The following NPAS3 variants were observed in gnomAD, a reference collection of about 807,000 sequenced individuals.
The protein encoded by NPAS3 is neuronal PAS domain-containing protein 3.
In NPAS3, 14 loss-of-function variants were observed where a neutral mutation model predicts 73.1. The observed-to-expected ratio is 0.19, with a 90% CI of 0.13 to 0.30. The LOEUF is 0.30. NPAS3 is among the 10% of genes least tolerant of loss of function. NPAS3 has a pLI of 1.00. For synonymous variants in NPAS3, 620 were observed against 541.5 expected (o/e 1.14, Z -2.01); for missense variants, 1,096 against 1,250.0 (o/e 0.88, Z 1.86).
At chr14:33,090,885 C>T (rs907762706) in intron 2 of NPAS3, among the ~76,000 whole-genome samples, 4 of 152,188 alleles carry the variant, frequency 2.6e-5, no homozygotes, top group African/African-American at 4.8e-5. Flanking sequence ...ACAACCTGCT[C>T]CTGAATGACT....
chr14:33,421,858 T>C (rs1352959869), intron 4 of NPAS3, among the ~76,000 whole-genome samples: 1 of 151,948 alleles, frequency 6.6e-6, no homozygotes, highest in Non-Finnish European at 1.5e-5. Context: ...AGAAGAAAGA[T>C]GATTAGATTG....
Position 33,686,519 on chromosome 14 carries a change from T to C in NPAS3, c.733+10134T>C, listed in dbSNP as rs1002224314. Among the ~76,000 whole-genome samples, 23 of 152,222 alleles carry C rather than the reference T, an allele frequency of 1.5e-4. 1 individual carries two copies. The highest frequency in any genetic ancestry group is 1.2e-3 in the South Asian group (6 of 4,828). ...TAGGCAATGCAATTGCCATTACTCA[T>C]TGACTACTCACCACGTGTCAGGCAC... On this transcript the variant is annotated intron_variant, in intron 6 of 11. Coordinates refer to ENST00000356141, the Ensembl canonical transcript of NPAS3.
At chr14:33,281,505 G>A (rs1181982638) in intron 3 of NPAS3, among the ~76,000 whole-genome samples, 1 of 152,074 alleles carries the variant, frequency 6.6e-6, no homozygotes, top group Non-Finnish European at 1.5e-5. Context: ...GGTGGTGCAT[G>A]TCTGTAGTCC....
At chr14:33,113,581 G>T (rs985362324) in intron 2 of NPAS3, among the ~76,000 whole-genome samples, 4 of 152,138 alleles carry the variant, frequency 2.6e-5, no homozygotes, top group Non-Finnish European at 5.9e-5. Context: ...AGACAATAGG[G>T]TTTTCTAAAT....
chr14:33,126,909 TACATGTAAC>T (rs1566588025), intron 2 of NPAS3, among the ~76,000 whole-genome samples: 1 of 152,172 alleles, frequency 6.6e-6, no homozygotes, highest in Non-Finnish European at 1.5e-5. Flanking sequence ...ATTACAAAAA[TACATGTAAC>T]ACATGTAAGC....
At chr14:33,267,479 G>T (rs2040868474) in intron 3 of NPAS3, among the ~76,000 whole-genome samples, 1 of 152,108 alleles carries the variant, frequency 6.6e-6, no homozygotes, top group Non-Finnish European at 1.5e-5. Flanking sequence ...ACAGGGAGGA[G>T]CTGTGTTTGC....
chr14:33,027,108 T>G (rs2039831557), intron 1 of NPAS3, among the ~76,000 whole-genome samples: 1 of 152,124 alleles, frequency 6.6e-6, no homozygotes, highest in Admixed American at 6.6e-5. Context: ...CGCTTCTAAT[T>G]CCTAGGTCAG....
intron 1 of NPAS3, among the ~76,000 whole-genome samples, chr14:32,982,478 G>T (rs2037936449): frequency 6.6e-6 from 1 of 152,136 alleles, no homozygotes; most frequent in East Asian, 1.9e-4. Flanking sequence ...GGGAGGCAGA[G>T]GCAGGAGGAT....
At chr14:33,039,834 A>C (rs920780471) in intron 1 of NPAS3, among the ~76,000 whole-genome samples, 3 of 152,220 alleles carry the variant, frequency 2.0e-5, no homozygotes, top group Non-Finnish European at 4.4e-5. Flanking sequence ...TCTGGGAATC[A>C]GGCCTTTAAA....
intron 10 of NPAS3, among the ~76,000 whole-genome samples, chr14:33,794,397 C>T (rs1378758669): frequency 3.3e-5 from 5 of 152,190 alleles, no homozygotes; most frequent in African/African-American, 4.8e-5. Context: ...TCTTCCCCAG[C>T]ACACACACAC....
At chr14:33,512,333 A>AACT (rs1482158546) in intron 4 of NPAS3, among the ~76,000 whole-genome samples, 3 of 151,948 alleles carry the variant, frequency 2.0e-5, no homozygotes, top group Admixed American at 6.6e-5. Context: ...TTTTCCTGCC[A>AACT]ACTCACAGAA....
chr14:33,388,434 A>C (rs1252725172), intron 4 of NPAS3, among the ~76,000 whole-genome samples: 1 of 151,776 alleles, frequency 6.6e-6, no homozygotes, highest in Non-Finnish European at 1.5e-5. Context: ...ACCCCCAGGG[A>C]AATAGGCACT....
intron 5 of NPAS3, among the ~76,000 whole-genome samples, chr14:33,635,538 G>C (rs554510013): frequency 2.6e-5 from 4 of 152,286 alleles, no homozygotes; most frequent in African/African-American, 9.6e-5. Context: ...GCTCGAGCAG[G>C]GAGGGTCTTG....
chr14:32,997,707 G>A lies in NPAS3; in HGVS notation c.51-58198G>A, dbSNP rs575064090. ...TGGGAGGCCGAGTTGGGTGGATCAC[G>A]AGGTCAGGAGATGGAGACCATCCTG... On this transcript the variant is annotated intron_variant, in intron 1 of 11. Coordinates refer to ENST00000356141, the Ensembl canonical transcript of NPAS3. Among the ~76,000 whole-genome samples, 62 of 150,482 alleles carry A rather than the reference G, an allele frequency of 4.1e-4. No homozygotes were observed. The East Asian group carries it at 6.3e-3, about 15-fold the overall frequency.
intron 6 of NPAS3, among the ~76,000 whole-genome samples, chr14:33,685,827 C>T (rs754230542): frequency 1.1e-4 from 16 of 152,126 alleles, no homozygotes; most frequent in Non-Finnish European, 2.1e-4. Context: ...AATGACCCTA[C>T]ACCAAGGTTA....
intron 4 of NPAS3, among the ~76,000 whole-genome samples, chr14:33,509,706 T>A (rs2052945711): frequency 1.3e-5 from 2 of 151,994 alleles, no homozygotes; most frequent in African/African-American, 4.8e-5. Context: ...TACTCTGGTC[T>A]TCAGTGTACT....
chr14:33,451,043 A>G lies in NPAS3; in HGVS notation c.468+83775A>G, dbSNP rs115189217. On this transcript the variant is annotated intron_variant, in intron 4 of 11. Transcript: ENST00000356141. ...ACCTTAAGTTGTGTAGTCTTACTCTATTATTGTGGATCAAATTGTTTATCG... is the reference window on the plus strand; with the variant it reads ...ACCTTAAGTTGTGTAGTCTTACTCTGTTATTGTGGATCAAATTGTTTATCG... 5.9e-3 allele frequency among the ~76,000 whole-genome samples: 897 copies of G among 152,318 alleles called. 4 individuals carry two copies. The highest frequency in any genetic ancestry group is 0.021 in the African/African-American group (855 of 41,582).
Position 33,231,131 on chromosome 14 carries a change from A to G in NPAS3, c.385+15705A>G, listed in dbSNP as rs546327983. Among the ~76,000 whole-genome samples the G allele has an allele frequency of 4.3e-4, 65 of 152,334 alleles. 1 individual carries two copies. The highest frequency in any genetic ancestry group is 3.4e-3 in the Middle Eastern group (1 of 294). On this transcript the variant is annotated intron_variant, in intron 3 of 11. Transcript: ENST00000356141. Reference sequence around the variant, plus strand: ...TTTGCTCGTGCAAGCTTGCCAGTGCAGGGTTACTACACTTTGTGAAATGAC... The same window carrying G: ...TTTGCTCGTGCAAGCTTGCCAGTGCGGGGTTACTACACTTTGTGAAATGAC...
chr14:33,057,620 A>G (rs1338635407), intron 2 of NPAS3, among the ~76,000 whole-genome samples: 1 of 152,230 alleles, frequency 6.6e-6, no homozygotes, highest in South Asian at 2.1e-4. Flanking sequence ...TTTGGCGCAT[A>G]GTAAGGCTTC....
Sources: allele counts gnomAD v4.1 joint callset (sites outside exome capture counted in the v4.1 genomes callset), GRCh38; gene constraint gnomAD v4.1.1; transcripts MANE v1.5; gene names NCBI Gene and HGNC (gene_info 2026-07-23, HGNC 2026-07-21).